The following KRT23 variants were observed in gnomAD, a reference collection of about 807,000 sequenced individuals.
KRT23 encodes the protein keratin, type I cytoskeletal 23.
A neutral mutation model predicts 47.6 loss-of-function variants in KRT23; 38 were observed. The observed-to-expected ratio is 0.80, with a 90% CI of 0.62 to 1.05. KRT23 has a LOEUF of 1.05. Ranked by LOEUF, KRT23 falls within the 50% of genes least tolerant of loss-of-function variation. KRT23 has a pLI of 0.00. For synonymous variants in KRT23, 191 were observed against 199.0 expected (o/e 0.96, Z 0.34); for missense variants, 503 against 529.5 (o/e 0.95, Z 0.49).
At chr17:40,927,195 T>C (rs1010191799) in intron 6 of KRT23, among the ~76,000 whole-genome samples, 4 of 152,140 alleles carry the variant, frequency 2.6e-5, no homozygotes, top group African/African-American at 7.2e-5. Flanking sequence ...ATCTAACATA[T>C]ATTTTGATGA....
At chr17:40,923,110 A>G (rs374471856) in intron 8 of KRT23, 27 bp from the exon 9 acceptor site, 33 of 1,490,168 alleles carry the variant, frequency 2.2e-5, no homozygotes, top group Non-Finnish European at 2.9e-5. Context: ...GGAAGATGTC[A>G]CTGCCATGCT....
At chr17:40,931,972 G>A (rs945586524) in intron 2 of KRT23, among the ~76,000 whole-genome samples, 1 of 152,120 alleles carries the variant, frequency 6.6e-6, no homozygotes, top group African/African-American at 2.4e-5. Context: ...TATTATTTCA[G>A]GTGAACATAA....
At chr17:40,935,366 T>C (rs933054304) in intron 2 of KRT23, among the ~76,000 whole-genome samples, 1 of 152,174 alleles carries the variant, frequency 6.6e-6, no homozygotes, top group Non-Finnish European at 1.5e-5. Context: ...GACTGCTTTA[T>C]ATAAGAGGGG....
In KRT23 at chr17:40,925,443, G is replaced by A; in HGVS notation, c.1053C>T (p.Asn351=). Residue 351 remains asparagine (N), a synonymous_variant, in exon 7 of 9, where the codon AAC becomes AAT. Coordinates refer to ENST00000209718, the MANE Select transcript of KRT23 (RefSeq NM_015515.5). ...TGCCCAGCAGCACTTGGTATTCATT[G>A]TTCTGCCGCTCCAGTTCATGGCGTA... ...TQLRHELERQ[N]NEYQVLLGIK... 1.2e-6 allele frequency: 2 copies of A among 1,614,118 alleles called. No individual in the cohort carries two copies. The highest frequency in any genetic ancestry group is 1.7e-5 in the Admixed American group (1 of 60,022).
rs1272972661 is a variant in KRT23, at chr17:40,930,004, T to C, written c.572A>G (p.Asp191Gly). Residue 191 changes from aspartate to glycine, a missense_variant, in exon 4 of 9, where the codon GAC (aspartate) becomes GGC (glycine). Coordinates refer to ENST00000209718, the MANE Select transcript of KRT23 (RefSeq NM_015515.5). ...CATTCCTTCCACCTCCTGTTCTAGGTCTGTTGTGACAATGGTCAGGTTGTC... is the reference window on the plus strand; with the variant it reads ...CATTCCTTCCACCTCCTGTTCTAGGCCTGTTGTGACAATGGTCAGGTTGTC... ...TLDNLTIVTT[D>G]LEQEVEGMRK... 1 of 1,614,172 alleles carries C rather than the reference T, an allele frequency of 6.2e-7. No individual in the cohort carries two copies. The highest frequency in any genetic ancestry group is 2.2e-5 in the East Asian group (1 of 44,888).
intron 8 of KRT23, among the ~76,000 whole-genome samples, chr17:40,923,895 T>C (rs1567789883): frequency 6.6e-6 from 1 of 152,246 alleles, no homozygotes; most frequent in Non-Finnish European, 1.5e-5. Flanking sequence ...AAAGGTAATC[T>C]GAGAAAGCAT....
At chr17:40,935,555 C>T (rs1212140660) in intron 2 of KRT23, among the ~76,000 whole-genome samples, 1 of 152,080 alleles carries the variant, frequency 6.6e-6, no homozygotes, top group Non-Finnish European at 1.5e-5. Context: ...AAAAATTATG[C>T]TCATTTTATT....
chr17:40,922,995 G>A lies in KRT23; in HGVS notation c.1263C>T (p.His421=), dbSNP rs775010306. The change falls in exon 9 of 9, where the codon CAC becomes CAT. Residue 421 remains histidine (H), a synonymous_variant. Coordinates refer to ENST00000209718, the MANE Select transcript of KRT23 (RefSeq NM_015515.5). ...GCGGAAACTTTCATTGGTCTCATGC[G>A]TGCTTTTGGATTTCATTCACTTGAC... ...VLCQVNEIQK[H]A The A allele has an allele frequency of 3.0e-5, 49 of 1,611,816 alleles. No homozygotes were observed. Among genetic ancestry groups the A allele is most frequent in the Admixed American group, 1.2e-4 (7 of 59,996 alleles).
rs766984524 is a variant in KRT23, at chr17:40,928,248, T to C, written c.911A>G (p.Gln304Arg). 1.6e-5 allele frequency: 26 copies of C among 1,614,186 alleles called. No homozygotes were observed. The highest frequency in any genetic ancestry group is 2.2e-5 in the Non-Finnish European group (26 of 1,180,024). The change falls in exon 6 of 9, where the codon CAG becomes CGG. Residue 304 changes from glutamine (Q) to arginine (R), a missense_variant. Gln to Arg is a conservative substitution (Grantham distance 43). Coordinates refer to ENST00000209718, the MANE Select transcript of KRT23 (RefSeq NM_015515.5). ...FQALEIDLQT[Q>R]YSTKSALENM... Reference sequence around the variant, plus strand: ...CTAGCCTTGACTCACCGTGCTGTACTGTGTCTGCAGGTCAATCTCCAGGGC... The same window carrying C: ...CTAGCCTTGACTCACCGTGCTGTACCGTGTCTGCAGGTCAATCTCCAGGGC...
Position 40,925,386 on chromosome 17 carries a change from C to T in KRT23, c.1110G>A (p.Thr370=), listed in dbSNP as rs144893068. Residue 370 remains threonine (T), a synonymous_variant, in exon 7 of 9, where the codon ACG becomes ACA. Coordinates refer to ENST00000209718, the MANE Select transcript of KRT23 (RefSeq NM_015515.5). The part of the protein sequence containing the change: ...IKTHLEKEIT[T]YRRLLEGESE... ...TCTCTCCCTCCAGGAGCCGTCGGTA[C>T]GTGGTGATTTCCTTCTCCAGGTGGG... 1.4e-3 allele frequency: 2,208 copies of T among 1,613,798 alleles called. 5 individuals carry two copies. The highest frequency in any genetic ancestry group is 7.4e-3 in the Middle Eastern group (43 of 5,780).
intron 2 of KRT23, among the ~76,000 whole-genome samples, chr17:40,934,259 G>T (rs577222938): frequency 6.6e-6 from 1 of 152,304 alleles, no homozygotes; most frequent in African/African-American, 2.4e-5. Context: ...GGGGTAGATA[G>T]ACAACCTCAA....
rs1362655883 is a variant in KRT23 at position 40,928,463 on chromosome 17, T to C, written c.781A>G (p.Thr261Ala). The C allele has an allele frequency of 6.2e-7, 1 of 1,614,032 alleles. No homozygotes were observed. Among genetic ancestry groups the C allele is most frequent in the Non-Finnish European group, 8.5e-7 (1 of 1,180,046 alleles). Residue 261 changes from threonine (T) to alanine (A), a missense_variant, in exon 5 of 9, where the codon ACT becomes GCT. Coordinates refer to ENST00000209718, the MANE Select transcript of KRT23 (RefSeq NM_015515.5). ...IIKKKHRDLDTWYKEQSAAMS... is the reference protein window; with the variant it reads ...IIKKKHRDLDAWYKEQSAAMS... Reference sequence around the variant, plus strand: ...TCTTTTACCTGTTCTTTATACCAAGTGTCCAAGTCTCGATGCTTCTTCTTT... The same window carrying C: ...TCTTTTACCTGTTCTTTATACCAAGCGTCCAAGTCTCGATGCTTCTTCTTT...
intron 3 of KRT23, 39 bp downstream of exon 3, chr17:40,931,334 A>C: frequency 4.0e-6 from 6 of 1,503,758 alleles, no homozygotes; most frequent in Non-Finnish European, 5.6e-6. Flanking sequence ...TAAAGCAAAC[A>C]AACAAAAACC....
Position 40,925,540 on chromosome 17 carries a change from T to G in KRT23, c.956A>C (p.Gln319Pro). 1.2e-6 allele frequency: 2 copies of G among 1,613,902 alleles called. No individual in the cohort carries two copies. Among genetic ancestry groups the G allele is most frequent in the Non-Finnish European group, 1.7e-6 (2 of 1,179,770 alleles). The change falls in exon 7 of 9, where the codon CAG becomes CCG. Residue 319 changes from glutamine (Q) to proline (P), a missense_variant. Transcript: ENST00000209718. ...SALENMLSET[Q>P]SRYSCKLQDM... ...CTGGAGCTTGCAGGAGTACCGAGACTGGGTCTCGGATAACATGTTTTCCAA... is the reference window on the plus strand; with the variant it reads ...CTGGAGCTTGCAGGAGTACCGAGACGGGGTCTCGGATAACATGTTTTCCAA...
chr17:40,925,960 A>G (rs1909198446), intron 6 of KRT23, among the ~76,000 whole-genome samples: 1 of 152,234 alleles, frequency 6.6e-6, no homozygotes, highest in Admixed American at 6.5e-5. Context: ...ATGAGTAATG[A>G]GTAATTTTTT....
In KRT23 at chr17:40,925,424, G is replaced by C. The variant is rs769762804; in HGVS notation, c.1072C>G (p.Leu358Val). Residue 358 changes from leucine to valine, a missense_variant, in exon 7 of 9, where the codon CTG (leucine) becomes GTG (valine). Leu to Val is a conservative substitution (Grantham distance 32). Coordinates refer to ENST00000209718, the MANE Select transcript of KRT23 (RefSeq NM_015515.5). ...ERQNNEYQVL[L>V]GIKTHLEKEI... ...TTCTCCAGGTGGGTTTTGATGCCCA[G>C]CAGCACTTGGTATTCATTGTTCTGC... 6.2e-7 allele frequency: 1 copy of C among 1,614,098 alleles called. No homozygotes were observed. Among genetic ancestry groups the C allele is most frequent in the South Asian group, 1.1e-5 (1 of 91,078 alleles).
intron 8 of KRT23, 87 bp downstream of exon 8, chr17:40,924,385 T>C (rs1343229250): frequency 9.7e-7 from 1 of 1,026,696 alleles, no homozygotes; most frequent in African/African-American, 1.6e-5. Context: ...CATTTGGGAG[T>C]ACATTAAGGA....
rs75896129 is a variant in KRT23, at chr17:40,924,200, G to A, written c.1174+272C>T. Among the ~76,000 whole-genome samples, 1,145 of 152,238 alleles carry A rather than the reference G, an allele frequency of 7.5e-3. 12 individuals carry two copies. Among genetic ancestry groups the A allele is most frequent in the African/African-American group, 0.026 (1,099 of 41,536 alleles). ...ATCATTGCCTCTTAGTTTTCTAGGGGTTTAGTAAACTGACTCCATTACTTA... is the reference window on the plus strand; with the variant it reads ...ATCATTGCCTCTTAGTTTTCTAGGGATTTAGTAAACTGACTCCATTACTTA... On this transcript the variant is annotated intron_variant, in intron 8 of 8. Transcript: ENST00000209718.
chr17:40,922,897 G>A lies in KRT23; in HGVS notation c.*92C>T, dbSNP rs1909008182. The A allele has an allele frequency of 1.2e-6, 1 of 847,718 alleles. No individual in the cohort carries two copies. The highest frequency in any genetic ancestry group is 1.7e-5 in the African/African-American group (1 of 58,556). 52.5% of individuals were successfully genotyped at this position (847,718 alleles called of 1,614,324 possible). ...AAGTTTCTGAGTCTGATAATTCCAA[G>A]GGTATCTTTTAGAACTCACTCACTG... On this transcript the variant is annotated 3_prime_UTR_variant, in exon 9 of 9. Transcript: ENST00000209718.
Sources: gnomAD v4.1 joint callset for allele counts (sites outside exome capture counted in the v4.1 genomes callset) on GRCh38, gnomAD v4.1.1 for gene constraint, MANE v1.5 for transcripts, NCBI Gene and HGNC (gene_info 2026-07-23, HGNC 2026-07-21) for gene names.